The following AK5 variants were observed in gnomAD, a reference collection of about 807,000 sequenced individuals.
AK5 encodes the protein adenylate kinase 5, also known as adenylate kinase isoenzyme 5.
In AK5, 27 loss-of-function variants were observed where a neutral mutation model predicts 69.5. The observed-to-expected ratio is 0.39, with a 90% CI of 0.29 to 0.54. The LOEUF is 0.54. Among genes scored for constraint, AK5 ranks in the 20% least tolerant of loss-of-function variants. The pLI is 0.71. For missense variants in AK5, 531 were observed against 700.4 expected, an observed-to-expected ratio of 0.76 and a Z score of 2.73; for synonymous variants, 260 against 244.4, an observed-to-expected ratio of 1.06 and a Z score of -0.60.
intron 8 of AK5, among the ~76,000 whole-genome samples, chr1:77,449,041 T>G (rs762867305): frequency 6.6e-6 from 1 of 152,114 alleles, no homozygotes. Flanking sequence ...GCTAGGGAAG[T>G]ACAAAAGGGA....
At chr1:77,536,369 G>A (rs1172869807) in intron 13 of AK5, among the ~76,000 whole-genome samples, 4 of 152,200 alleles carry the variant, frequency 2.6e-5, no homozygotes, top group African/African-American at 4.8e-5. Flanking sequence ...TGGGAGGATT[G>A]CTTGAGCCCC....
At chr1:77,330,855 C>A (rs543703912) in intron 5 of AK5, among the ~76,000 whole-genome samples, 1 of 152,228 alleles carries the variant, frequency 6.6e-6, no homozygotes, top group African/African-American at 2.4e-5. Flanking sequence ...ATGGCACATG[C>A]CTCATTTTAA....
chr1:77,376,465 A>AAAATTTT (rs1647260323), intron 6 of AK5, among the ~76,000 whole-genome samples: 1 of 128,748 alleles, frequency 7.8e-6, no homozygotes. Flanking sequence ...AAAAAAAAAC[A>AAAATTTT]TGTCTTACTT....
At chr1:77,445,057 C>T (rs1652661375) in intron 8 of AK5, among the ~76,000 whole-genome samples, 2 of 152,062 alleles carry the variant, frequency 1.3e-5, no homozygotes, top group East Asian at 1.9e-4. Flanking sequence ...TAGATTGTTT[C>T]CATATCTTGG....
chr1:77,397,167 T>C (rs759531368), intron 6 of AK5, among the ~76,000 whole-genome samples: 12 of 152,180 alleles, frequency 7.9e-5, no homozygotes, highest in Non-Finnish European at 1.3e-4. Context: ...GTTACATCTT[T>C]CTTACCTTCA....
In AK5 at chr1:77,328,505, G is replaced by GA. The variant is rs113780480; in HGVS notation, c.700-11861dup. Reference sequence around the variant, plus strand: ...TGTGAGACTCCATCTCAAAAAAAAAGAAAAAAAAAAACTTCAACTTTTTCC... The same window carrying GA: ...TGTGAGACTCCATCTCAAAAAAAAAGAAAAAAAAAAAACTTCAACTTTTTCC... On this transcript the variant is annotated intron_variant, in intron 5 of 13. Transcript: ENST00000354567. Among the ~76,000 whole-genome samples the GA allele has an allele frequency of 6.7e-4, 94 of 140,196 alleles. 1 individual carries two copies. Among genetic ancestry groups the GA allele is most frequent in the Admixed American group, 7.1e-4 (10 of 14,144 alleles). 92.0% of individuals were successfully genotyped at this position (140,196 alleles called of 152,430 possible).
chr1:77,446,346 T>C (rs1276405518), intron 8 of AK5, among the ~76,000 whole-genome samples: 2 of 152,220 alleles, frequency 1.3e-5, no homozygotes, highest in African/African-American at 4.8e-5. Flanking sequence ...TAATATAATT[T>C]CAAATCAGGA....
At chr1:77,306,514 G>T (rs1382324788) in intron 5 of AK5, among the ~76,000 whole-genome samples, 5 of 118,208 alleles carry the variant, frequency 4.2e-5, no homozygotes, top group South Asian at 2.5e-4. Flanking sequence ...TTTTTTTTGA[G>T]GATTTTTGCA....
chr1:77,327,476 A>ATTT (rs1660865168), intron 5 of AK5, among the ~76,000 whole-genome samples: 1 of 151,694 alleles, frequency 6.6e-6, no homozygotes, highest in South Asian at 2.1e-4. Context: ...CTCTGCAGTG[A>ATTT]TTTTTCCTGG....
intron 10 of AK5, among the ~76,000 whole-genome samples, chr1:77,508,988 A>G (rs1246746038): frequency 6.6e-6 from 1 of 152,200 alleles, no homozygotes. Flanking sequence ...GAAGCCACTC[A>G]TTTAATTCAG....
At chr1:77,545,752 G>T (rs552934862) in intron 13 of AK5, among the ~76,000 whole-genome samples, 1 of 152,242 alleles carries the variant, frequency 6.6e-6, no homozygotes, top group African/African-American at 2.4e-5. Flanking sequence ...TTCACTGGGG[G>T]TGCCTATCAG....
intron 13 of AK5, 97 bp from the exon 14 acceptor site, chr1:77,558,505 G>C: frequency 1.5e-6 from 1 of 684,844 alleles, no homozygotes; most frequent in East Asian, 3.0e-5. Flanking sequence ...TTAAAATTTT[G>C]CAGAGCAAAT....
At chr1:77,470,846 TATATATATATATATATATATATATATATA>T (rs1222160603) in intron 8 of AK5, among the ~76,000 whole-genome samples, 1,003 of 26,834 alleles carry the variant, frequency 0.037, 35 homozygotes, top group East Asian at 0.061. Context: ...TATATATATA[TATATATATATATATATATATATATATATA>T]TTTTTTTTTT....
rs117574719 is a variant in AK5 at position 77,325,635 on chromosome 1, A to G, written c.700-14742A>G. 4.6e-5 allele frequency among the ~76,000 whole-genome samples: 7 copies of G among 152,228 alleles called. No individual in the cohort carries two copies. In the East Asian group the frequency reaches 1.2e-3, roughly 25 times the overall value. ...CTGTGCTGGTCTCCATTTTGGGACT[A>G]TATTCCAATATAGTGAAACTTCCAT... On this transcript the variant is annotated intron_variant, in intron 5 of 13. Coordinates refer to ENST00000354567, the MANE Select transcript of AK5 (RefSeq NM_174858.3).
At chr1:77,540,243 C>G (rs1460181126) in intron 13 of AK5, among the ~76,000 whole-genome samples, 1 of 152,222 alleles carries the variant, frequency 6.6e-6, no homozygotes, top group Non-Finnish European at 1.5e-5. Flanking sequence ...AAAGTTAGAA[C>G]TTCTTGTAAC....
At chr1:77,323,776 G>A (rs977974289) in intron 5 of AK5, among the ~76,000 whole-genome samples, 2 of 152,156 alleles carry the variant, frequency 1.3e-5, no homozygotes, top group Non-Finnish European at 2.9e-5. Flanking sequence ...GTATGTGTGT[G>A]CATACATACA....
intron 7 of AK5, among the ~76,000 whole-genome samples, chr1:77,412,244 G>A (rs1436767599): frequency 5.3e-5 from 8 of 152,132 alleles, no homozygotes; most frequent in Admixed American, 2.0e-4. Flanking sequence ...CTGCAGTGAT[G>A]CAACTGTGCT....
chr1:77,316,415 A>G (rs1192652762), intron 5 of AK5, among the ~76,000 whole-genome samples: 2 of 152,092 alleles, frequency 1.3e-5, no homozygotes, highest in East Asian at 1.9e-4. Context: ...AAAATAGAGT[A>G]AGTTCTGAGT....
At chr1:77,542,091 G>C (rs531310339) in intron 13 of AK5, among the ~76,000 whole-genome samples, 2 of 152,250 alleles carry the variant, frequency 1.3e-5, no homozygotes, top group South Asian at 4.1e-4. Context: ...CCCTTTGGGA[G>C]GCCAAAGCAG....
Sources: allele counts gnomAD v4.1 joint callset (sites outside exome capture counted in the v4.1 genomes callset), GRCh38; gene constraint gnomAD v4.1.1; transcripts MANE v1.5; gene names NCBI Gene and HGNC (gene_info 2026-07-23, HGNC 2026-07-21).